HMGCLL1: variants seen among roughly 807,000 people sequenced by gnomAD.
The protein encoded by HMGCLL1 is 3-hydroxy-3-methylglutaryl-CoA lyase like 1.
A neutral mutation model predicts 39.1 loss-of-function variants in HMGCLL1; 36 were observed. The observed-to-expected ratio is 0.92, with a 90% CI of 0.71 to 1.22. HMGCLL1 has a LOEUF of 1.22. Among genes scored for constraint, HMGCLL1 ranks in the 50% most tolerant of loss-of-function variants. HMGCLL1 has a pLI of 0.00. For missense variants in HMGCLL1, 451 were observed against 416.5 expected (o/e 1.08, Z -0.72); for synonymous variants, 149 against 144.0 (o/e 1.03, Z -0.25).
At chr6:55,516,695 A>G (rs1767759382) in intron 3 of HMGCLL1, 92 bp from the exon 4 acceptor site, 1 of 699,216 alleles carries the variant, frequency 1.4e-6, no homozygotes, top group Non-Finnish European at 2.4e-6. Flanking sequence ...TTACATGGAC[A>G]GTTAGAGTCT....
the HMGCLL1 span, among the ~76,000 whole-genome samples, chr6:55,628,549 C>A: frequency 1.3e-5 from 2 of 151,766 alleles, no homozygotes. Flanking sequence ...GGTGATCTGC[C>A]CACCTCGGCC....
At chr6:55,440,880 G>A (rs1192305654) in intron 7 of HMGCLL1, among the ~76,000 whole-genome samples, 1 of 151,864 alleles carries the variant, frequency 6.6e-6, no homozygotes, top group Non-Finnish European at 1.5e-5. Context: ...TTACTTTTTT[G>A]ATAAACTTTT....
At chr6:55,469,970 A>C (rs1764976394) in intron 7 of HMGCLL1, among the ~76,000 whole-genome samples, 1 of 151,870 alleles carries the variant, frequency 6.6e-6, no homozygotes, top group African/African-American at 2.4e-5. Context: ...AGAATTTTAA[A>C]GTTTTCCAGC....
chr6:55,575,453 G>C (rs532759473), intron 1 of HMGCLL1, among the ~76,000 whole-genome samples: 2 of 152,128 alleles, frequency 1.3e-5, no homozygotes, highest in South Asian at 4.2e-4. Flanking sequence ...TCTCTAATAT[G>C]TAAGCTGAAA....
chr6:55,545,156 T>A (rs1269585864), intron 1 of HMGCLL1, among the ~76,000 whole-genome samples: 1 of 151,170 alleles, frequency 6.6e-6, no homozygotes, highest in African/African-American at 2.4e-5. Context: ...TCAACAACAA[T>A]TAGCTTGGCA....
the HMGCLL1 span, among the ~76,000 whole-genome samples, chr6:55,672,049 G>A: frequency 6.6e-6 from 1 of 151,706 alleles, no homozygotes; most frequent in African/African-American, 2.4e-5. Flanking sequence ...CTGGGAAGAG[G>A]AACAGGGAAC....
intron 1 of HMGCLL1, among the ~76,000 whole-genome samples, chr6:55,560,471 T>G (rs1417553500): frequency 6.6e-6 from 1 of 152,158 alleles, no homozygotes; most frequent in African/African-American, 2.4e-5. Flanking sequence ...CCAATTTCAG[T>G]TTTTTATAAG....
chr6:55,584,942 A>T, the HMGCLL1 span, among the ~76,000 whole-genome samples: 4 of 152,022 alleles, frequency 2.6e-5, no homozygotes, highest in Non-Finnish European at 1.5e-5. Flanking sequence ...GGCTAACAAT[A>T]CTAGATGATA....
intron 1 of HMGCLL1, among the ~76,000 whole-genome samples, chr6:55,565,939 C>T (rs1771190418): frequency 6.6e-6 from 1 of 151,994 alleles, no homozygotes; most frequent in Admixed American, 6.6e-5. Context: ...ACCAGGTCCA[C>T]AGTTTTCTAT....
chr6:55,590,093 A>C, the HMGCLL1 span, among the ~76,000 whole-genome samples: 1 of 152,214 alleles, frequency 6.6e-6, no homozygotes, highest in Non-Finnish European at 1.5e-5. Flanking sequence ...CCGCATTGCC[A>C]AGTCAATCCT....
chr6:55,542,405 A>G (rs1248752460), intron 1 of HMGCLL1, among the ~76,000 whole-genome samples: 1 of 152,116 alleles, frequency 6.6e-6, no homozygotes, highest in Non-Finnish European at 1.5e-5. Flanking sequence ...AGAATAATTG[A>G]TTTACTCAGG....
chr6:55,620,545 T>G, the HMGCLL1 span, among the ~76,000 whole-genome samples: 1 of 152,238 alleles, frequency 6.6e-6, no homozygotes, highest in East Asian at 1.9e-4. Flanking sequence ...TTATTATGAT[T>G]TTCTTTGCTT....
chr6:55,577,924 A>G (rs1467513569), intron 1 of HMGCLL1, among the ~76,000 whole-genome samples: 1 of 152,210 alleles, frequency 6.6e-6, no homozygotes, highest in Non-Finnish European at 1.5e-5. Context: ...GAAACAAAAT[A>G]TCTTCTAAAG....
the HMGCLL1 span, among the ~76,000 whole-genome samples, chr6:55,619,410 C>A: frequency 6.6e-6 from 1 of 151,996 alleles, no homozygotes; most frequent in Non-Finnish European, 1.5e-5. Flanking sequence ...AATGCCTTTT[C>A]GCATATTTCA....
Position 55,579,102 on chromosome 6 carries a change from G to A in HMGCLL1, c.-47C>T, listed in dbSNP as rs866078817. 7.0e-6 allele frequency: 10 copies of A among 1,428,310 alleles called. No homozygotes were observed. The highest frequency in any genetic ancestry group is 9.7e-6 in the Non-Finnish European group (10 of 1,027,158). 88.5% of individuals were successfully genotyped at this position (1,428,310 alleles called of 1,614,324 possible). ...CGGCGAGGGGAGGGAGACTGGAGGA[G>A]GATGAGGGGCGGGCACCGCGCTGGG... is the stretch of plus-strand genomic sequence containing the variant. On this transcript the variant is annotated 5_prime_UTR_variant, in exon 1 of 9. Transcript: ENST00000274901.
the HMGCLL1 span, among the ~76,000 whole-genome samples, chr6:55,653,469 G>T: frequency 6.6e-6 from 1 of 151,882 alleles, no homozygotes; most frequent in Non-Finnish European, 1.5e-5. Flanking sequence ...ATTACCAAAA[G>T]ACATGCTTTC....
At chr6:55,633,464 G>T in the HMGCLL1 span, among the ~76,000 whole-genome samples, 2 of 151,432 alleles carry the variant, frequency 1.3e-5, no homozygotes, top group Non-Finnish European at 2.9e-5. Flanking sequence ...AGAATAGTGT[G>T]CTCATGGAAT....
At chr6:55,671,352 C>T in the HMGCLL1 span, among the ~76,000 whole-genome samples, 1 of 151,678 alleles carries the variant, frequency 6.6e-6, no homozygotes. Context: ...TCCACCTGGA[C>T]GTCTGACTTA....
At chr6:55,439,132 C>T (rs1763488069) in intron 8 of HMGCLL1, among the ~76,000 whole-genome samples, 1 of 152,062 alleles carries the variant, frequency 6.6e-6, no homozygotes, top group Non-Finnish European at 1.5e-5. Context: ...ACAGCAAAGA[C>T]ACAGGCTCCA....
Sources: allele counts gnomAD v4.1 joint callset (sites outside exome capture counted in the v4.1 genomes callset), GRCh38; gene constraint gnomAD v4.1.1; transcripts MANE v1.5; gene names NCBI Gene and HGNC (gene_info 2026-07-23, HGNC 2026-07-21).